RSPO2: variants seen among roughly 807,000 people sequenced by gnomAD.
RSPO2 encodes R-spondin-2.
A neutral mutation model predicts 30.9 loss-of-function variants in RSPO2; 14 were observed. That is an observed-to-expected ratio of 0.45 (90% CI 0.30 to 0.71). RSPO2 has a LOEUF of 0.71. Among genes scored for constraint, RSPO2 ranks in the 30% least tolerant of loss-of-function variants. The probability of loss-of-function intolerance (pLI) is 0.08; values close to 1 mark genes in which losing one functional copy is unlikely to be tolerated. For synonymous variants in RSPO2, 107 were observed against 96.4 expected (o/e 1.11, Z -0.64); for missense variants, 264 against 301.9 (o/e 0.87, Z 0.93).
At chr8:108,001,491 G>GA (rs962557105) in intron 2 of RSPO2, among the ~76,000 whole-genome samples, 20 of 152,058 alleles carry the variant, frequency 1.3e-4, no homozygotes, top group African/African-American at 4.8e-4. Flanking sequence ...CACAGGTAAT[G>GA]AAAAAAAGTG....
chr8:107,952,412 A>C (rs1343486359), intron 5 of RSPO2, among the ~76,000 whole-genome samples: 1 of 152,198 alleles, frequency 6.6e-6, no homozygotes. Context: ...TTTCTCAGAC[A>C]GACATTATAA....
Position 107,960,739 on chromosome 8 carries a change from C to T in RSPO2, c.362G>A (p.Arg121Lys). Reference protein sequence around the residue: ...TKCKVGFYLHRGRCFDECPDG... With the variant: ...TKCKVGFYLHKGRCFDECPDG... ...TGGACATTCATCAAAGCAACGGCCT[C>T]TATGCAAATAAAAGCCTACTTTGCA... is the stretch of plus-strand genomic sequence containing the variant. The change falls in exon 4 of 6, where the codon AGA becomes AAA. Residue 121 changes from arginine (R) to lysine (K), a missense_variant. Coordinates refer to ENST00000276659, the MANE Select transcript of RSPO2 (RefSeq NM_178565.5). 1 of 1,613,340 alleles carries T rather than the reference C, an allele frequency of 6.2e-7. No homozygotes were observed. Among genetic ancestry groups the T allele is most frequent in the Non-Finnish European group, 8.5e-7 (1 of 1,179,502 alleles).
intron 2 of RSPO2, chr8:107,996,827 TA>T (rs779164164): frequency 5.0e-6 from 2 of 399,230 alleles, no homozygotes; most frequent in Admixed American, 3.0e-5. Context: ...CTGCATTTTT[TA>T]AAAAAGGTAT....
chr8:107,921,014 C>T (rs973016362), intron 5 of RSPO2, among the ~76,000 whole-genome samples: 1 of 151,964 alleles, frequency 6.6e-6, no homozygotes. Context: ...AGAGGACTAA[C>T]ATGAGAAAAA....
chr8:107,991,975 G>A (rs1814861509), intron 2 of RSPO2, among the ~76,000 whole-genome samples: 1 of 152,112 alleles, frequency 6.6e-6, no homozygotes, highest in Non-Finnish European at 1.5e-5. Context: ...AGACAGTGTG[G>A]CAATTCCACA....
chr8:107,984,052 A>T (rs973667945), intron 3 of RSPO2: 1 of 554,876 alleles, frequency 1.8e-6, no homozygotes, highest in Non-Finnish European at 3.2e-6. Flanking sequence ...AAAACCACAT[A>T]GAAGGGTCAT....
chr8:108,082,212 A>G (rs1017622051), intron 2 of RSPO2, among the ~76,000 whole-genome samples: 5 of 152,132 alleles, frequency 3.3e-5, no homozygotes, highest in Admixed American at 2.6e-4. Context: ...TGCATGTCAG[A>G]TAAGAAATAC....
At chr8:108,065,867 A>G (rs1335837748) in intron 2 of RSPO2, among the ~76,000 whole-genome samples, 1 of 151,950 alleles carries the variant, frequency 6.6e-6, no homozygotes, top group African/African-American at 2.4e-5. Flanking sequence ...GTGAAACCCC[A>G]TCTCTACTAA....
chr8:107,932,901 C>A lies in RSPO2; in HGVS notation c.616+25179G>T, dbSNP rs149119736. On this transcript the variant is annotated intron_variant, in intron 5 of 5. Transcript: ENST00000276659. ...CCACACAGTCTGTAATTTCTGAAAC[C>A]TTATGCTAAATCTGCATTGGAAAAC... Among the ~76,000 whole-genome samples the A allele has an allele frequency of 2.2e-3, 340 of 152,156 alleles. 3 individuals carry two copies. Among genetic ancestry groups the A allele is most frequent in the African/African-American group, 7.9e-3 (327 of 41,532 alleles).
intron 3 of RSPO2, among the ~76,000 whole-genome samples, chr8:107,982,569 G>C (rs1814482803): frequency 6.6e-6 from 1 of 152,112 alleles, no homozygotes; most frequent in Non-Finnish European, 1.5e-5. Context: ...CCATCTGTGT[G>C]AGCCTTCCAG....
At chr8:107,981,452 C>T (rs531799633) in intron 3 of RSPO2, among the ~76,000 whole-genome samples, 451 of 152,002 alleles carry the variant, frequency 3.0e-3, no homozygotes, top group African/African-American at 0.01. Context: ...ACCCAGGAAG[C>T]GGAGGTTACA....
intron 3 of RSPO2, among the ~76,000 whole-genome samples, chr8:107,977,175 C>G (rs1187732341): frequency 6.6e-6 from 1 of 152,200 alleles, no homozygotes; most frequent in Admixed American, 6.5e-5. Context: ...TACATTTCCT[C>G]ATAATATCCT....
chr8:108,081,840 G>A (rs429315), intron 2 of RSPO2: 417,970 of 915,248 alleles, frequency 0.46, 96,513 homozygotes, highest in South Asian at 0.54. Context: ...TGGAGAGAGC[G>A]AAGTGGGGCC....
intron 3 of RSPO2, among the ~76,000 whole-genome samples, chr8:107,979,930 C>T (rs651858): frequency 0.66 from 99,870 of 152,060 alleles, 32,780 homozygotes; most frequent in East Asian, 0.7. Context: ...CATCAGATGA[C>T]ATTCTACAAC....
chr8:108,073,003 GT>G (rs947213593), intron 2 of RSPO2: 6 of 152,128 alleles, frequency 3.9e-5, no homozygotes, highest in African/African-American at 1.4e-4. Flanking sequence ...GTTTTTCAAA[GT>G]GGCTGTAGAA....
chr8:108,062,504 G>C (rs1812503196), intron 2 of RSPO2, among the ~76,000 whole-genome samples: 1 of 151,792 alleles, frequency 6.6e-6, no homozygotes, highest in Non-Finnish European at 1.5e-5. Flanking sequence ...TTAAATCCCT[G>C]AATAGACCAA....
intron 2 of RSPO2, among the ~76,000 whole-genome samples, chr8:108,070,379 G>A (rs1487052710): frequency 3.5e-5 from 5 of 142,206 alleles, no homozygotes; most frequent in African/African-American, 1.3e-4. Flanking sequence ...TGCAAGCTCC[G>A]CTTCCCGGGT....
chr8:108,027,400 G>A (rs1447830195), intron 2 of RSPO2, among the ~76,000 whole-genome samples: 1 of 152,158 alleles, frequency 6.6e-6, no homozygotes, highest in Non-Finnish European at 1.5e-5. Context: ...GATTTACCCA[G>A]TGGGCTTTTC....
At chr8:108,015,800 T>C (rs1166738598) in intron 2 of RSPO2, among the ~76,000 whole-genome samples, 1 of 152,212 alleles carries the variant, frequency 6.6e-6, no homozygotes, top group Non-Finnish European at 1.5e-5. Context: ...TGAGGTATCT[T>C]TCCTCCTATT....
Sources: allele counts gnomAD v4.1 joint callset (sites outside exome capture counted in the v4.1 genomes callset), GRCh38; gene constraint gnomAD v4.1.1; transcripts MANE v1.5; gene names NCBI Gene and HGNC (gene_info 2026-07-23, HGNC 2026-07-21).